DSCAM: variants seen among roughly 807,000 people sequenced by gnomAD.
The protein encoded by DSCAM is cell adhesion molecule DSCAM.
In DSCAM, 47 loss-of-function variants were observed where a neutral mutation model predicts 217.7. That is an observed-to-expected ratio of 0.22 (90% CI 0.17 to 0.28). DSCAM has a LOEUF of 0.28. Among genes scored for constraint, DSCAM ranks in the 10% least tolerant of loss-of-function variants. DSCAM has a pLI of 1.00. For synonymous variants in DSCAM, 1,056 were observed against 1,015.3 expected (o/e 1.04, Z -0.76); for missense variants, 2,080 against 2,618.3 (o/e 0.79, Z 4.49).
chr21:40,563,448 T>C (rs987435793), intron 3 of DSCAM, among the ~76,000 whole-genome samples: 4 of 147,890 alleles, frequency 2.7e-5, no homozygotes, highest in Non-Finnish European at 6.0e-5. Context: ...GATAATACTA[T>C]CTATATTTTG....
chr21:40,610,881 A>G (rs1467446543), intron 3 of DSCAM, among the ~76,000 whole-genome samples: 1 of 152,130 alleles, frequency 6.6e-6, no homozygotes, highest in Non-Finnish European at 1.5e-5. Context: ...AACCCTCTAA[A>G]GAGTGAGAGT....
At chr21:40,816,462 C>T (rs1454231638) in intron 1 of DSCAM, among the ~76,000 whole-genome samples, 1 of 152,080 alleles carries the variant, frequency 6.6e-6, no homozygotes, top group Non-Finnish European at 1.5e-5. Context: ...ACCTGTAGTC[C>T]CACCTACTCG....
At chr21:40,548,285 T>C (rs184829525) in intron 3 of DSCAM, among the ~76,000 whole-genome samples, 1 of 152,148 alleles carries the variant, frequency 6.6e-6, no homozygotes, top group African/African-American at 2.4e-5. Context: ...CTTCAGAGTT[T>C]AATTACCGCC....
intron 21 of DSCAM, among the ~76,000 whole-genome samples, chr21:40,090,866 T>C (rs886575123): frequency 6.6e-6 from 1 of 152,188 alleles, no homozygotes; most frequent in Admixed American, 6.5e-5. Context: ...CCCCTCCAAA[T>C]GTCTGTACCT....
intron 3 of DSCAM, among the ~76,000 whole-genome samples, chr21:40,617,247 C>T (rs1162831440): frequency 6.7e-6 from 1 of 150,160 alleles, no homozygotes; most frequent in Non-Finnish European, 1.5e-5. Flanking sequence ...CCTCAGCCTC[C>T]TGAGTAGCTG....
intron 3 of DSCAM, among the ~76,000 whole-genome samples, chr21:40,508,678 C>A (rs1157438073): frequency 6.9e-6 from 1 of 145,294 alleles, no homozygotes; most frequent in Non-Finnish European, 1.5e-5. Context: ...AAGGGAACCA[C>A]CTACCTCAGC....
At chr21:40,550,649 A>T (rs1021434897) in intron 3 of DSCAM, among the ~76,000 whole-genome samples, 4 of 152,224 alleles carry the variant, frequency 2.6e-5, no homozygotes, top group Admixed American at 1.3e-4. Flanking sequence ...GTCTTTGTGG[A>T]TATTTCTCTA....
chr21:40,541,265 C>T (rs1348073592), intron 3 of DSCAM, among the ~76,000 whole-genome samples: 3 of 152,100 alleles, frequency 2.0e-5, no homozygotes, highest in African/African-American at 7.2e-5. Flanking sequence ...GCCTCTATTT[C>T]AATACTTATT....
At chr21:40,340,498 C>T in intron 6 of DSCAM, among the ~76,000 whole-genome samples, 1 of 152,180 alleles carries the variant, frequency 6.6e-6, no homozygotes, top group Non-Finnish European at 1.5e-5. Context: ...CAGCCAGCCT[C>T]AGGCATACAA....
intron 3 of DSCAM, among the ~76,000 whole-genome samples, chr21:40,422,251 C>T (rs571676011): frequency 2.6e-5 from 4 of 152,282 alleles, no homozygotes; most frequent in South Asian, 2.1e-4. Context: ...TCTTGGCCTT[C>T]GAGGGCATAT....
At chr21:40,138,277 CATGGTGTGT>C (rs1026135758) in intron 18 of DSCAM, among the ~76,000 whole-genome samples, 5 of 142,630 alleles carry the variant, frequency 3.5e-5, no homozygotes, top group Middle Eastern at 4.6e-3. Context: ...ATGCGATGTG[CATGGTGTGT>C]GTGTACCTGT....
chr21:40,525,479 T>A (rs2076393718), intron 3 of DSCAM, among the ~76,000 whole-genome samples: 2 of 152,146 alleles, frequency 1.3e-5, no homozygotes, highest in South Asian at 2.1e-4. Context: ...GTGTTACAGA[T>A]CTCCAATGTC....
rs367681291 is a variant in DSCAM, at chr21:40,658,827, A to C, written c.508+33983T>G. Among the ~76,000 whole-genome samples the C allele has an allele frequency of 5.3e-5, 8 of 152,330 alleles. No individual in the cohort carries two copies. In the East Asian group the frequency reaches 1.3e-3, roughly 26 times the overall value. On this transcript the variant is annotated intron_variant, in intron 3 of 32. Transcript: ENST00000400454. ...TATTATGTACTTGTAATCAACCATAATATTCAAATTGCTGAATAAAGAATC... is the reference window on the plus strand; with the variant it reads ...TATTATGTACTTGTAATCAACCATACTATTCAAATTGCTGAATAAAGAATC...
intron 3 of DSCAM, among the ~76,000 whole-genome samples, chr21:40,422,825 A>G (rs192645455): frequency 7.1e-4 from 108 of 152,356 alleles, no homozygotes; most frequent in Non-Finnish European, 1.1e-3. Context: ...CTTGCAGAAA[A>G]TCATACATTC....
At chr21:40,631,057 G>A (rs1158018022) in intron 3 of DSCAM, among the ~76,000 whole-genome samples, 1 of 152,124 alleles carries the variant, frequency 6.6e-6, no homozygotes, top group African/African-American at 2.4e-5. Context: ...CAGCAGTTAT[G>A]GCCATTAAGG....
At chr21:40,304,719 A>G (rs1020915333) in intron 9 of DSCAM, among the ~76,000 whole-genome samples, 1 of 152,182 alleles carries the variant, frequency 6.6e-6, no homozygotes, top group African/African-American at 2.4e-5. Flanking sequence ...CTTAGGAAGT[A>G]GGGAAGCTGA....
At chr21:40,081,327 T>A (rs1017510881) in intron 24 of DSCAM, among the ~76,000 whole-genome samples, 14 of 152,124 alleles carry the variant, frequency 9.2e-5, no homozygotes, top group African/African-American at 3.4e-4. Flanking sequence ...TAAAGCATTT[T>A]TTTTCCCTGC....
chr21:40,665,126 A>C (rs948740244), intron 3 of DSCAM, among the ~76,000 whole-genome samples: 1 of 152,146 alleles, frequency 6.6e-6, no homozygotes, highest in Non-Finnish European at 1.5e-5. Flanking sequence ...GAGCCAATTA[A>C]ACCTCTTTTC....
intron 1 of DSCAM, among the ~76,000 whole-genome samples, chr21:40,720,846 T>C (rs747027402): frequency 2.7e-4 from 41 of 152,086 alleles, no homozygotes; most frequent in Non-Finnish European, 5.4e-4. Flanking sequence ...GCTGCTAGAA[T>C]TTACAAAGTG....
Sources: allele counts gnomAD v4.1 joint callset (sites outside exome capture counted in the v4.1 genomes callset), GRCh38; gene constraint gnomAD v4.1.1; transcripts MANE v1.5; gene names NCBI Gene and HGNC (gene_info 2026-07-23, HGNC 2026-07-21).